The following CARF variants were observed in gnomAD, a reference collection of about 807,000 sequenced individuals.
The protein encoded by CARF is calcium responsive transcription factor, also known as calcium-responsive transcription factor.
Under a neutral mutation model 82.0 loss-of-function variants are expected in CARF, and 57 were observed. The ratio of observed to expected loss-of-function variants is 0.70; its 90% CI spans 0.56 to 0.87. The LOEUF (loss-of-function observed/expected upper bound fraction) is 0.87. Ranked by LOEUF, CARF falls within the 40% of genes least tolerant of loss-of-function variation. The pLI, the probability that CARF is intolerant of heterozygous loss-of-function variation, is 0.00. For synonymous variants in CARF, 268 were observed against 290.1 expected (o/e 0.92, Z 0.77); for missense variants, 771 against 855.8 (o/e 0.90, Z 1.24).
chr2:202,986,891 T>TATATATAC lies in CARF; in HGVS notation c.*3274_*3275insCATATATA, dbSNP rs2060462848. 1 of 82,956 alleles carries TATATATAC rather than the reference T, an allele frequency of 1.2e-5. No homozygotes were observed. Among genetic ancestry groups the TATATATAC allele is most frequent in the South Asian group, 6.8e-4 (1 of 1,464 alleles). 5.1% of individuals were successfully genotyped at this position (82,956 alleles called of 1,614,324 possible). ...GCGTATATATATATATATATATATATATATATATATATATATAGCAACTTG... is the reference window on the plus strand; with the variant it reads ...GCGTATATATATATATATATATATATATATATACATATATATATATATATAGCAACTTG... On this transcript the variant is annotated 3_prime_UTR_variant, in exon 17 of 17. Transcript: ENST00000438828.
chr2:202,975,109 G>A (rs774218032), intron 13 of CARF, among the ~76,000 whole-genome samples: 2 of 151,970 alleles, frequency 1.3e-5, no homozygotes, highest in African/African-American at 2.4e-5. Flanking sequence ...TCAGGAGTTC[G>A]AGACCAGCCT....
chr2:202,915,756 T>C (rs7591653), intron 1 of CARF, among the ~76,000 whole-genome samples: 13,532 of 152,016 alleles, frequency 0.089, 739 homozygotes, highest in Non-Finnish European at 0.12. Context: ...CATGAGCCAC[T>C]GCACCTAGCC....
At position 202,930,045 on chromosome 2, in the gene CARF, G is replaced by GGTTTT. The variant is rs200754708; in HGVS notation, c.-44+5647_-44+5651dup. On this transcript the variant is annotated intron_variant, in intron 3 of 16. Coordinates refer to ENST00000438828, the MANE Select transcript of CARF (RefSeq NM_024744.17). Reference sequence around the variant, plus strand: ...TTTATTTCATTCAATGTGTGTGGGGGGTTTTGTTTTGTTTTGTTTTGAGAC... The same window carrying GGTTTT: ...TTTATTTCATTCAATGTGTGTGGGGGGTTTTGTTTTGTTTTGTTTTGTTTTGAGAC... Among the ~76,000 whole-genome samples the GGTTTT allele has an allele frequency of 1.3e-4, 19 of 151,934 alleles. No individual in the cohort carries two copies. The East Asian group carries it at 2.9e-3, about 23-fold the overall frequency.
At chr2:202,952,880 A>G (rs2058821421) in intron 6 of CARF, among the ~76,000 whole-genome samples, 1 of 152,200 alleles carries the variant, frequency 6.6e-6, no homozygotes, top group Non-Finnish European at 1.5e-5. Context: ...ATTTCATTTA[A>G]GAATTCTATG....
At chr2:202,975,644 A>G (rs1574784894) in intron 13 of CARF, among the ~76,000 whole-genome samples, 1 of 152,280 alleles carries the variant, frequency 6.6e-6, no homozygotes, top group Non-Finnish European at 1.5e-5. Flanking sequence ...TTTTTAAATC[A>G]ACATGTATTT....
At chr2:202,980,186 G>A (rs1559284937) in intron 14 of CARF, among the ~76,000 whole-genome samples, 1 of 152,186 alleles carries the variant, frequency 6.6e-6, no homozygotes, top group East Asian at 1.9e-4. Flanking sequence ...TCAAACTCCT[G>A]GTCTCAAGTT....
intron 3 of CARF, among the ~76,000 whole-genome samples, chr2:202,940,715 C>T (rs547198971): frequency 1.5e-3 from 229 of 152,232 alleles, no homozygotes; most frequent in African/African-American, 5.4e-3. Context: ...TTTGTCCCAA[C>T]TTCAGTTTCT....
rs548807296 is a variant in CARF at position 202,970,544 on chromosome 2, ATTCTTTT to A, written c.1097+485_1097+491del. Among the ~76,000 whole-genome samples, 143 of 152,272 alleles carry A rather than the reference ATTCTTTT, an allele frequency of 9.4e-4. 1 individual carries two copies. The highest frequency in any genetic ancestry group is 3.3e-3 in the African/African-American group (136 of 41,566). ...TAGGTTTTAAATGTGAAATATTAGC[ATTCTTTT>A]TTACTTTCCTTTATGTGTCAGTCTG... On this transcript the variant is annotated intron_variant, in intron 11 of 16. Transcript: ENST00000438828.
At chr2:202,939,393 A>T (rs1273385100) in intron 3 of CARF, among the ~76,000 whole-genome samples, 2 of 152,180 alleles carry the variant, frequency 1.3e-5, no homozygotes, top group Non-Finnish European at 2.9e-5. Context: ...TTCAACTTAT[A>T]ATAGTTTCCA....
intron 9 of CARF, chr2:202,963,032 C>G (rs1021332559): frequency 6.6e-6 from 1 of 152,180 alleles, no homozygotes; most frequent in Admixed American, 6.5e-5. Flanking sequence ...TAAAATTGCT[C>G]TCAAGGCCGG....
At chr2:202,933,135 T>C (rs1574534711) in intron 3 of CARF, among the ~76,000 whole-genome samples, 1 of 151,370 alleles carries the variant, frequency 6.6e-6, no homozygotes. Context: ...CCTGAGGGGG[T>C]GATAGGAGGG....
Position 202,986,942 on chromosome 2 carries a change from A to AT in CARF, c.*3325dup, listed in dbSNP as rs1265918679. On this transcript the variant is annotated 3_prime_UTR_variant, in exon 17 of 17. Coordinates refer to ENST00000438828, the MANE Select transcript of CARF (RefSeq NM_024744.17). Reference sequence around the variant, plus strand: ...ATGTATAGTGTCCTTGTTACCATGTATTTTTTTCATTAAAAATCCTGCTTT... The same window carrying AT: ...ATGTATAGTGTCCTTGTTACCATGTATTTTTTTTCATTAAAAATCCTGCTTT... The AT allele has an allele frequency of 2.3e-5, 3 of 132,310 alleles. No individual in the cohort carries two copies. Among genetic ancestry groups the AT allele is most frequent in the Admixed American group, 7.9e-5 (1 of 12,726 alleles). 8.2% of individuals were successfully genotyped at this position (132,310 alleles called of 1,614,324 possible).
At chr2:202,968,112 T>C (rs756005270) in intron 10 of CARF, among the ~76,000 whole-genome samples, 10 of 152,244 alleles carry the variant, frequency 6.6e-5, no homozygotes, top group Middle Eastern at 3.4e-3. Context: ...ATAAATACCT[T>C]AGCATTCTTG....
At chr2:202,915,301 C>A (rs1425676556) in intron 1 of CARF, among the ~76,000 whole-genome samples, 1 of 151,696 alleles carries the variant, frequency 6.6e-6, no homozygotes, top group Non-Finnish European at 1.5e-5. Context: ...AGGCGTGAGC[C>A]ACTGTACTGG....
chr2:202,969,402 C>T (rs1352621509), intron 10 of CARF, among the ~76,000 whole-genome samples: 1 of 151,802 alleles, frequency 6.6e-6, no homozygotes, highest in East Asian at 1.9e-4. Context: ...ATGGAAAAAC[C>T]CTGTCTCTAC....
chr2:202,940,357 T>C (rs1447336256), intron 3 of CARF, among the ~76,000 whole-genome samples: 1 of 152,134 alleles, frequency 6.6e-6, no homozygotes, highest in Non-Finnish European at 1.5e-5. Flanking sequence ...AATTAAACTT[T>C]TGATAGTTTT....
chr2:202,981,837 T>C, intron 15 of CARF, 152 bp downstream of exon 15: 6 of 1,004,166 alleles, frequency 6.0e-6, no homozygotes, highest in Non-Finnish European at 8.7e-6. Context: ...TTTTGTTTCT[T>C]GATTTAAGAT....
intron 2 of CARF, among the ~76,000 whole-genome samples, chr2:202,920,401 C>T (rs957858219): frequency 4.6e-5 from 7 of 152,036 alleles, no homozygotes; most frequent in South Asian, 2.1e-4. Context: ...GTGATCCGCC[C>T]GCCTCGGCCT....
chr2:202,927,321 G>A (rs1197979860), intron 3 of CARF, among the ~76,000 whole-genome samples: 2 of 149,320 alleles, frequency 1.3e-5, no homozygotes, highest in African/African-American at 4.9e-5. Context: ...CATTAATTCA[G>A]TCTTTTTTTT....
Sources: gnomAD v4.1 joint callset for allele counts (sites outside exome capture counted in the v4.1 genomes callset) on GRCh38, gnomAD v4.1.1 for gene constraint, MANE v1.5 for transcripts, NCBI Gene and HGNC (gene_info 2026-07-23, HGNC 2026-07-21) for gene names.